TMEM132B: variants seen among roughly 807,000 people sequenced by gnomAD.
The protein encoded by TMEM132B is transmembrane protein 132B.
A neutral mutation model predicts 90.8 loss-of-function variants in TMEM132B; 18 were observed. That is an observed-to-expected ratio of 0.20 (90% CI 0.14 to 0.29). TMEM132B has a LOEUF of 0.29. Among genes scored for constraint, TMEM132B ranks in the 10% least tolerant of loss-of-function variants. TMEM132B has a pLI of 1.00. For synonymous variants in TMEM132B, 504 were observed against 523.3 expected (o/e 0.96, Z 0.50); for missense variants, 1,096 against 1,326.8 (o/e 0.83, Z 2.70).
At chr12:125,394,050 C>T (rs1292926691) in intron 2 of TMEM132B, among the ~76,000 whole-genome samples, 2 of 152,188 alleles carry the variant, frequency 1.3e-5, no homozygotes, top group African/African-American at 4.8e-5. Flanking sequence ...AAACAGAGAA[C>T]AACCCATATA....
At chr12:125,632,034 G>T (rs924486760) in intron 5 of TMEM132B, among the ~76,000 whole-genome samples, 4 of 151,630 alleles carry the variant, frequency 2.6e-5, no homozygotes, top group African/African-American at 9.7e-5. Context: ...CTAGTTTTCT[G>T]GTTGTTTTGT....
intron 3 of TMEM132B, among the ~76,000 whole-genome samples, chr12:125,428,227 C>A (rs182086786): frequency 6.6e-6 from 1 of 152,058 alleles, no homozygotes; most frequent in African/African-American, 2.4e-5. Flanking sequence ...CTGCTGGGTT[C>A]AAGTGATCCT....
chr12:125,604,147 A>G (rs959992401), intron 5 of TMEM132B, among the ~76,000 whole-genome samples: 5 of 152,020 alleles, frequency 3.3e-5, no homozygotes, highest in Non-Finnish European at 5.9e-5. Context: ...ACATGCACAC[A>G]TATGTTTATT....
At chr12:125,477,728 A>C (rs1049016363) in intron 3 of TMEM132B, among the ~76,000 whole-genome samples, 6 of 152,164 alleles carry the variant, frequency 3.9e-5, no homozygotes, top group Non-Finnish European at 7.3e-5. Flanking sequence ...ACAGCTCTGA[A>C]GAGAGCAGTG....
At chr12:125,359,062 G>C (rs115942733) in intron 2 of TMEM132B, among the ~76,000 whole-genome samples, 1 of 152,156 alleles carries the variant, frequency 6.6e-6, no homozygotes, top group Non-Finnish European at 1.5e-5. Flanking sequence ...TCCTGACTCC[G>C]TAATGATGTG....
At chr12:125,215,716 A>C (rs776341353) in intron 1 of TMEM132B, among the ~76,000 whole-genome samples, 15 of 152,018 alleles carry the variant, frequency 9.9e-5, no homozygotes, top group Admixed American at 1.3e-4. Context: ...GGATTTTTGT[A>C]TTTTTAGTAG....
At chr12:125,316,199 T>C (rs1566000000) in intron 1 of TMEM132B, among the ~76,000 whole-genome samples, 1 of 152,242 alleles carries the variant, frequency 6.6e-6, no homozygotes, top group Non-Finnish European at 1.5e-5. Context: ...AAGTCCATCC[T>C]GGATTCCAGG....
At chr12:125,321,885 C>T (rs553280072) in intron 1 of TMEM132B, among the ~76,000 whole-genome samples, 14 of 152,130 alleles carry the variant, frequency 9.2e-5, no homozygotes, top group Middle Eastern at 3.4e-3. Context: ...AATGTTTATT[C>T]GTCATTGCCC....
chr12:125,470,037 C>A (rs1032800382), intron 3 of TMEM132B, among the ~76,000 whole-genome samples: 1 of 152,192 alleles, frequency 6.6e-6, no homozygotes, highest in Non-Finnish European at 1.5e-5. Context: ...AAGGCACATG[C>A]GGGTTGAAAG....
chr12:125,392,694 G>A (rs1398188814), intron 2 of TMEM132B, among the ~76,000 whole-genome samples: 1 of 152,242 alleles, frequency 6.6e-6, no homozygotes, highest in Non-Finnish European at 1.5e-5. Context: ...CCTCCTGGGA[G>A]GAGTTGCAGG....
At chr12:125,391,053 G>A (rs930008738) in intron 2 of TMEM132B, among the ~76,000 whole-genome samples, 9 of 151,200 alleles carry the variant, frequency 6.0e-5, no homozygotes, top group African/African-American at 2.2e-4. Context: ...GTGTGTGTGT[G>A]TGTGTGTGTG....
chr12:125,505,151 T>C (rs1375878698), intron 3 of TMEM132B, among the ~76,000 whole-genome samples: 1 of 62,816 alleles, frequency 1.6e-5, no homozygotes, highest in Non-Finnish European at 2.8e-5. Flanking sequence ...AAAATGAGAC[T>C]CACACACCAG....
chr12:125,455,962 G>T (rs767876091), intron 3 of TMEM132B, among the ~76,000 whole-genome samples: 2 of 152,142 alleles, frequency 1.3e-5, no homozygotes, highest in Non-Finnish European at 2.9e-5. Flanking sequence ...AATATTTCTG[G>T]CTTTGGAAGC....
chr12:125,507,662 C>T (rs1447823978), intron 3 of TMEM132B, among the ~76,000 whole-genome samples: 1 of 152,086 alleles, frequency 6.6e-6, no homozygotes, highest in East Asian at 1.9e-4. Context: ...CGTTGTGGCT[C>T]AGGCAGAATG....
chr12:125,433,032 T>A (rs1183947722), intron 3 of TMEM132B, among the ~76,000 whole-genome samples: 1 of 152,160 alleles, frequency 6.6e-6, no homozygotes, highest in African/African-American at 2.4e-5. Flanking sequence ...ACCTGCATCT[T>A]ACTTTAAGCA....
intron 3 of TMEM132B, among the ~76,000 whole-genome samples, chr12:125,513,265 C>CA: frequency 6.6e-6 from 1 of 152,348 alleles, no homozygotes; most frequent in South Asian, 2.1e-4. Flanking sequence ...ATGTCCCAGA[C>CA]AGCCTTCTAA....
intron 5 of TMEM132B, chr12:125,587,824 C>T (rs751188254): frequency 2.0e-5 from 3 of 152,054 alleles, no homozygotes; most frequent in Non-Finnish European, 2.9e-5. Flanking sequence ...CTTTCTAGGC[C>T]GTAAGAAGAA....
chr12:125,613,533 C>A (rs911321947), intron 5 of TMEM132B, among the ~76,000 whole-genome samples: 1 of 151,562 alleles, frequency 6.6e-6, no homozygotes, highest in Non-Finnish European at 1.5e-5. Flanking sequence ...TCTAGTGTAA[C>A]ATTTTAATTT....
At chr12:125,310,032 A>G (rs944550604) in intron 1 of TMEM132B, among the ~76,000 whole-genome samples, 3 of 152,084 alleles carry the variant, frequency 2.0e-5, no homozygotes, top group Non-Finnish European at 2.9e-5. Context: ...TCCTTGCAAT[A>G]TGGCAGCTGG....
Sources: allele counts gnomAD v4.1 joint callset (sites outside exome capture counted in the v4.1 genomes callset), GRCh38; gene constraint gnomAD v4.1.1; transcripts MANE v1.5; gene names NCBI Gene and HGNC (gene_info 2026-07-23, HGNC 2026-07-21).